DLG2: variants seen among roughly 807,000 people sequenced by gnomAD.
DLG2 encodes the protein discs large MAGUK scaffold protein 2.
DLG2 carries 45 observed loss-of-function variants against 132.5 expected under a neutral mutation model. The ratio of observed to expected loss-of-function variants is 0.34; its 90% CI spans 0.27 to 0.44. The LOEUF (loss-of-function observed/expected upper bound fraction) is 0.44, where lower values mean the gene tolerates loss of function less well. DLG2 is among the 20% of genes least tolerant of loss of function. The pLI is 1.00. For missense variants in DLG2, 1,045 were observed against 1,196.9 expected (o/e 0.87, Z 1.87); for synonymous variants, 424 against 419.6 (o/e 1.01, Z -0.13).
In DLG2 at chr11:84,553,422, A is replaced by C. The variant is rs527730343; in HGVS notation, c.358-18691T>G. On this transcript the variant is annotated intron_variant, in intron 6 of 27. Coordinates refer to ENST00000376104, the MANE Select transcript of DLG2 (RefSeq NM_001142699.3). ...TAGTTAAGATGCATGCTGATTTCAG[A>C]GATACAAATATTTAAAAAGTGCATG... is the stretch of plus-strand genomic sequence containing the variant. 2.6e-5 allele frequency among the ~76,000 whole-genome samples: 4 copies of C among 152,330 alleles called. No homozygotes were observed. The South Asian group carries it at 8.3e-4, about 32-fold the overall frequency.
chr11:84,190,880 T>C (rs558042632), intron 8 of DLG2, among the ~76,000 whole-genome samples: 15 of 152,316 alleles, frequency 9.8e-5, no homozygotes, highest in African/African-American at 3.4e-4. Flanking sequence ...AATAATCTAG[T>C]TGGATATACT....
At chr11:83,744,042 G>A (rs1383942746) in intron 18 of DLG2, among the ~76,000 whole-genome samples, 1 of 152,128 alleles carries the variant, frequency 6.6e-6, no homozygotes, top group African/African-American at 2.4e-5. Context: ...ACGGTTAGAT[G>A]CCCTAACTGG....
intron 6 of DLG2, among the ~76,000 whole-genome samples, chr11:84,651,736 A>T (rs1303224410): frequency 2.0e-5 from 3 of 152,198 alleles, no homozygotes; most frequent in Non-Finnish European, 4.4e-5. Context: ...TGACTTGTAT[A>T]ATCTATGGGA....
At chr11:84,501,672 G>A (rs2154504084) in intron 7 of DLG2, among the ~76,000 whole-genome samples, 2 of 152,234 alleles carry the variant, frequency 1.3e-5, no homozygotes, top group Non-Finnish European at 2.9e-5. Context: ...GCAGCTTACT[G>A]TAAACTTTCC....
At chr11:85,369,392 G>A (rs894967421) in intron 3 of DLG2, among the ~76,000 whole-genome samples, 9 of 151,962 alleles carry the variant, frequency 5.9e-5, no homozygotes, top group African/African-American at 2.2e-4. Flanking sequence ...ATAACAATAA[G>A]AGGTTCTTCC....
At chr11:85,429,319 C>G (rs896545265) in intron 3 of DLG2, among the ~76,000 whole-genome samples, 1 of 151,884 alleles carries the variant, frequency 6.6e-6, no homozygotes, top group East Asian at 1.9e-4. Flanking sequence ...AGAGACACAA[C>G]AAAAAAAGAA....
chr11:83,662,308 A>G (rs1404885916), intron 18 of DLG2, among the ~76,000 whole-genome samples: 4 of 152,210 alleles, frequency 2.6e-5, no homozygotes, highest in Non-Finnish European at 5.9e-5. Context: ...AAGTCAATAC[A>G]GATTGAAAAT....
intron 6 of DLG2, among the ~76,000 whole-genome samples, chr11:84,975,109 G>C (rs1161083682): frequency 6.6e-6 from 1 of 152,090 alleles, no homozygotes; most frequent in African/African-American, 2.4e-5. Flanking sequence ...GTGAGAATGG[G>C]TAAGGAGGAG....
At chr11:85,349,661 G>A (rs1446103998) in intron 3 of DLG2, among the ~76,000 whole-genome samples, 3 of 152,110 alleles carry the variant, frequency 2.0e-5, no homozygotes, top group African/African-American at 7.3e-5. Flanking sequence ...AACATGCAGT[G>A]TTTGGTTTTC....
intron 15 of DLG2, among the ~76,000 whole-genome samples, chr11:83,877,257 T>G (rs192389792): frequency 5.3e-5 from 8 of 152,246 alleles, no homozygotes; most frequent in Admixed American, 4.6e-4. Context: ...CATTTCTTTG[T>G]TTATTAGTGA....
chr11:84,442,487 A>G lies in DLG2; in HGVS notation c.519+92083T>C, dbSNP rs550129667. On this transcript the variant is annotated intron_variant, in intron 7 of 27. Coordinates refer to ENST00000376104, the MANE Select transcript of DLG2 (RefSeq NM_001142699.3). ...AGTGGGAGTTGAACAATGAGAACAC[A>G]TGGACCCAGGGAGGGGAACATCACA... Among the ~76,000 whole-genome samples the G allele has an allele frequency of 6.6e-5, 10 of 152,214 alleles. No homozygotes were observed. The East Asian group carries it at 1.9e-3, about 29-fold the overall frequency.
chr11:84,289,376 C>T (rs570681611), intron 7 of DLG2, among the ~76,000 whole-genome samples: 2 of 152,008 alleles, frequency 1.3e-5, no homozygotes, highest in African/African-American at 4.8e-5. Flanking sequence ...CTTCATTGAC[C>T]TATTTTTTTA....
rs144897545 is a variant in DLG2, at chr11:84,621,132, G to T, written c.358-86401C>A. 5.0e-3 allele frequency among the ~76,000 whole-genome samples: 758 copies of T among 152,084 alleles called. 6 individuals are homozygous for T. The highest frequency in any genetic ancestry group is 0.024 in the Middle Eastern group (7 of 294). ...GGGAATGGGAAAAGGTACCCTCAAA[G>T]GTAACAGCATTATTCTAATTCTTAA... is the stretch of plus-strand genomic sequence containing the variant. On this transcript the variant is annotated intron_variant, in intron 6 of 27. Transcript: ENST00000376104.
intron 19 of DLG2, among the ~76,000 whole-genome samples, chr11:83,561,329 G>A (rs1177194566): frequency 1.3e-5 from 2 of 152,074 alleles, no homozygotes; most frequent in Non-Finnish European, 2.9e-5. Flanking sequence ...CTATTTGGAG[G>A]ACAAAACCCA....
intron 6 of DLG2, among the ~76,000 whole-genome samples, chr11:85,102,410 T>G (rs936169519): frequency 1.3e-5 from 2 of 152,004 alleles, no homozygotes; most frequent in Admixed American, 1.3e-4. Flanking sequence ...AATGGTGCTA[T>G]GTCATAGAAA....
chr11:84,797,468 T>C (rs1203073486), intron 6 of DLG2, among the ~76,000 whole-genome samples: 2 of 152,218 alleles, frequency 1.3e-5, no homozygotes, highest in Non-Finnish European at 2.9e-5. Context: ...GTCTTCAAGC[T>C]CACGATTTCT....
chr11:85,614,240 CT>C (rs1308495445), intron 2 of DLG2, among the ~76,000 whole-genome samples: 1 of 151,738 alleles, frequency 6.6e-6, no homozygotes, highest in East Asian at 1.9e-4. Context: ...GATGTTATTG[CT>C]TTTTTACAAA....
intron 7 of DLG2, among the ~76,000 whole-genome samples, chr11:84,403,556 T>C (rs1317335309): frequency 6.6e-6 from 1 of 152,180 alleles, no homozygotes; most frequent in African/African-American, 2.4e-5. Flanking sequence ...TTTCTATCAC[T>C]GTTATATGTT....
Position 83,457,468 on chromosome 11 carries a change from T to A in DLG2, c.*2350A>T. The A allele has an allele frequency of 6.6e-6, 1 of 152,238 alleles. No individual in the cohort carries two copies. Among genetic ancestry groups the A allele is most frequent in the East Asian group, 1.9e-4 (1 of 5,164 alleles). 9.4% of individuals were successfully genotyped at this position (152,238 alleles called of 1,614,324 possible). On this transcript the variant is annotated 3_prime_UTR_variant, in exon 28 of 28. Transcript: ENST00000376104. ...AAAAAATCAGTGCAAATGCCAATTCTAATCTGAAAGCATCTACACTAGGAA... is the reference window on the plus strand; with the variant it reads ...AAAAAATCAGTGCAAATGCCAATTCAAATCTGAAAGCATCTACACTAGGAA...
Sources: gnomAD v4.1 joint callset for allele counts (sites outside exome capture counted in the v4.1 genomes callset) on GRCh38, gnomAD v4.1.1 for gene constraint, MANE v1.5 for transcripts, NCBI Gene and HGNC (gene_info 2026-07-23, HGNC 2026-07-21) for gene names.